Variants in SLCO4A1 observed in about 807,000 individuals in gnomAD.
SLCO4A1 encodes the protein solute carrier organic anion transporter family member 4A1.
A neutral mutation model predicts 64.6 loss-of-function variants in SLCO4A1; 51 were observed. That is an observed-to-expected ratio of 0.79 (90% confidence interval 0.63 to 1.00). The LOEUF (loss-of-function observed/expected upper bound fraction) is 1.00, where lower values mean the gene tolerates loss of function less well. Ranked by LOEUF, SLCO4A1 falls within the 50% of genes least tolerant of loss-of-function variation. The pLI is 0.00. For missense variants in SLCO4A1, 919 were observed against 980.5 expected, an observed-to-expected ratio of 0.94 and a Z score of 0.84; for synonymous variants, 471 against 444.9, an observed-to-expected ratio of 1.06 and a Z score of -0.74.
chr20:62,676,697 G>T (rs964779491), downstream of SLCO4A1, among the ~76,000 whole-genome samples: 6 of 152,194 alleles, frequency 3.9e-5, no homozygotes, highest in Non-Finnish European at 8.8e-5. Context: ...ATGTAAAACG[G>T]TAAAATGGCA....
chr20:62,659,050 G>A (rs1984293915), intron 3 of SLCO4A1, among the ~76,000 whole-genome samples: 1 of 152,238 alleles, frequency 6.6e-6, no homozygotes, highest in Non-Finnish European at 1.5e-5. Context: ...GTTCCCTAAT[G>A]AAACTGAGAT....
chr20:62,668,335 T>C lies in SLCO4A1; in HGVS notation c.1812-142T>C, dbSNP rs1296645177. The stretch of plus-strand genomic sequence containing the variant: ...TGGTGGCAGGAGAGACCTCACTGTC[T>C]CTGATCTCTGACGAGGGGCTTCCCA... On this transcript the variant is annotated intron_variant, in intron 9 of 11. Coordinates refer to ENST00000217159, the MANE Select transcript of SLCO4A1 (RefSeq NM_016354.4). The C allele has an allele frequency of 5.6e-6, 7 of 1,251,412 alleles. No individual in the cohort carries two copies. In the Admixed American group the frequency reaches 8.5e-5, roughly 15 times the overall value. 77.5% of individuals were successfully genotyped at this position (1,251,412 alleles called of 1,614,324 possible).
At chr20:62,686,372 C>T (rs1373451144), downstream of SLCO4A1, among the ~76,000 whole-genome samples, 1 of 152,180 alleles carries the variant, frequency 6.6e-6, no homozygotes, top group African/African-American at 2.4e-5. Context: ...GCTCGCAGTT[C>T]TTCTCATGTC....
intron 5 of SLCO4A1, among the ~76,000 whole-genome samples, chr20:62,662,128 G>T (rs990511315): frequency 6.6e-6 from 1 of 152,188 alleles, no homozygotes; most frequent in Non-Finnish European, 1.5e-5. Context: ...CAGGATAGGA[G>T]GGAAGGCATC....
chr20:62,646,651 C>T (rs1981388667), intron 1 of SLCO4A1, among the ~76,000 whole-genome samples: 1 of 152,226 alleles, frequency 6.6e-6, no homozygotes, highest in African/African-American at 2.4e-5. Flanking sequence ...CATTCTGAGT[C>T]TGTTTCCCAT....
rs565287507 is a variant in SLCO4A1, at chr20:62,655,079, C to T, written c.-96-1280C>T. On this transcript the variant is annotated intron_variant, in intron 1 of 11. Coordinates refer to ENST00000217159, the MANE Select transcript of SLCO4A1 (RefSeq NM_016354.4). ...CCTGAGTTTCAAAAACTGTCATATT[C>T]GGAGGTATTGGGGTCAAGGCTCCAA... Among the ~76,000 whole-genome samples the T allele has an allele frequency of 9.8e-5, 15 of 152,334 alleles. No homozygotes were observed. In the South Asian group the frequency reaches 3.1e-3, roughly 32 times the overall value.
chr20:62,661,469 C>T lies in SLCO4A1; in HGVS notation c.1121+294C>T, dbSNP rs921126438. On this transcript the variant is annotated intron_variant, in intron 5 of 11. Coordinates refer to ENST00000217159, the MANE Select transcript of SLCO4A1 (RefSeq NM_016354.4). The surrounding 1 kb of genome is among the most constrained non-coding windows in gnomAD (Gnocchi z 5.2). ...ACAGTGTGGAGACTCCTGTGGGCTG[C>T]GCCTGGCTCCCAGTGGCCACGGAGC... Among the ~76,000 whole-genome samples, 11 of 152,054 alleles carry T rather than the reference C, an allele frequency of 7.2e-5. No individual in the cohort carries two copies. The highest frequency in any genetic ancestry group is 2.2e-4 in the African/African-American group (9 of 41,390).
At chr20:62,668,388 G>A (rs1426671768) in intron 9 of SLCO4A1, 89 bp from the exon 10 acceptor site, 1 of 1,402,110 alleles carries the variant, frequency 7.1e-7, no homozygotes, top group Non-Finnish European at 1.0e-6. Flanking sequence ...ATGTGGCTGG[G>A]GACTGGTCCA....
rs530127217 is a variant in SLCO4A1, at chr20:62,658,256, A to AGG, written c.797-418_797-417dup. Among the ~76,000 whole-genome samples, 14 of 152,268 alleles carry AGG rather than the reference A, an allele frequency of 9.2e-5. No individual in the cohort carries two copies. In the South Asian group the frequency reaches 2.9e-3, roughly 32 times the overall value. ...GTGTTGAGATCACCTCACTCCAGCG[A>AGG]GGGGACGTCCCACCACACCGAGCCT... On this transcript the variant is annotated intron_variant, in intron 2 of 11. Transcript: ENST00000217159.
chr20:62,647,694 T>G (rs577189317), intron 1 of SLCO4A1, among the ~76,000 whole-genome samples: 19 of 152,344 alleles, frequency 1.2e-4, no homozygotes, highest in African/African-American at 3.8e-4. Flanking sequence ...AGTAAGTGCA[T>G]GGGGCCTAGG....
chr20:62,656,471 T>G lies in SLCO4A1; in HGVS notation c.17T>G (p.Leu6Arg), dbSNP rs1601630297. The change falls in exon 2 of 12, where the codon CTG (leucine) becomes CGG (arginine). Residue 6 changes from leucine to arginine, a missense_variant. Coordinates refer to ENST00000217159, the MANE Select transcript of SLCO4A1 (RefSeq NM_016354.4). Reference protein sequence around the residue: MPLHQLGDKPLTFPSP... With the variant: MPLHQRGDKPLTFPSP... ...GGCGCGGAGATGCCCCTGCATCAGC[T>G]GGGGGACAAGCCGCTCACCTTCCCC... is the stretch of plus-strand genomic sequence containing the variant. 1.3e-6 allele frequency: 2 copies of G among 1,497,926 alleles called. No homozygotes were observed. Among genetic ancestry groups the G allele is most frequent in the Middle Eastern group, 1.8e-4 (1 of 5,710 alleles). 92.8% of individuals were successfully genotyped at this position (1,497,926 alleles called of 1,614,324 possible). A position where few individuals can be genotyped will look rare whatever the true frequency, so the allele number is the denominator to read the frequency against.
At chr20:62,652,035 C>T (rs1601616674) in intron 1 of SLCO4A1, 1 of 144,798 alleles carries the variant, frequency 6.9e-6, no homozygotes, top group Non-Finnish European at 1.5e-5. Flanking sequence ...GCCTCCCCCA[C>T]CCTGCCCCGC....
intron 1 of SLCO4A1, among the ~76,000 whole-genome samples, chr20:62,654,727 G>A (rs941213909): frequency 2.0e-5 from 3 of 152,182 alleles, no homozygotes; most frequent in Non-Finnish European, 4.4e-5. Flanking sequence ...CGGGGTCCCT[G>A]TTGAATGTGA....
In SLCO4A1 at chr20:62,671,731, C is replaced by T. The variant is rs371021038; in HGVS notation, c.2026-19C>T. ...TGGCCGAGCTCCCCACGAGGTCCAG[C>T]GGGCTCCTCTCTCCCCAGGTGCTGG... On this transcript the variant is annotated intron_variant, in intron 11 of 11. Transcript: ENST00000217159. 504 of 1,608,454 alleles carry T rather than the reference C, an allele frequency of 3.1e-4. 1 individual carries two copies. Among genetic ancestry groups the T allele is most frequent in the East Asian group, 5.8e-4 (26 of 44,784 alleles).
chr20:62,660,835 C>G (rs1406934468), intron 4 of SLCO4A1, among the ~76,000 whole-genome samples: 1 of 152,238 alleles, frequency 6.6e-6, no homozygotes, highest in Non-Finnish European at 1.5e-5. Context: ...TCCCCCAGCC[C>G]CACTTTGGGC....
intron 2 of SLCO4A1, among the ~76,000 whole-genome samples, chr20:62,683,107 A>G (rs1410524259): frequency 6.6e-6 from 1 of 152,248 alleles, no homozygotes; most frequent in African/African-American, 2.4e-5. Flanking sequence ...ATTTGCACTT[A>G]GATTGATTTT....
In SLCO4A1 at chr20:62,656,544, C is replaced by G; in HGVS notation, c.90C>G (p.Ser30Arg). 1.3e-6 allele frequency: 2 copies of G among 1,580,430 alleles called. No homozygotes were observed. The highest frequency in any genetic ancestry group is 1.7e-6 in the Non-Finnish European group (2 of 1,168,584). Reference protein sequence around the residue: ...MENGLDHTPPSRRASPGTPLS... With the variant: ...MENGLDHTPPRRRASPGTPLS... The stretch of plus-strand genomic sequence containing the variant: ...ACGGGCTTGACCACACCCCACCCAG[C>G]AGGAGGGCATCCCCGGGCACACCCC... Residue 30 changes from serine (S) to arginine (R), a missense_variant, in exon 2 of 12, where the codon AGC (serine) becomes AGG (arginine). By Grantham distance (110) the Ser-to-Arg change is moderately radical. Coordinates refer to ENST00000217159, the MANE Select transcript of SLCO4A1 (RefSeq NM_016354.4).
chr20:62,662,578 A>G (rs1291050976), intron 5 of SLCO4A1, among the ~76,000 whole-genome samples: 1 of 152,238 alleles, frequency 6.6e-6, no homozygotes, highest in Non-Finnish European at 1.5e-5. Context: ...TTCTCTGGGC[A>G]AATTCAACAC....
chr20:62,658,198 A>G (rs1037130899), intron 2 of SLCO4A1, among the ~76,000 whole-genome samples: 2 of 152,008 alleles, frequency 1.3e-5, no homozygotes, highest in African/African-American at 4.8e-5. Flanking sequence ...CATCCCAGTC[A>G]CCTGGCAGTG....
Sources: allele counts gnomAD v4.1 joint callset (sites outside exome capture counted in the v4.1 genomes callset), GRCh38; gene constraint gnomAD v4.1.1; non-coding constraint Gnocchi (gnomAD v3.1); transcripts MANE v1.5; gene names NCBI Gene and HGNC (gene_info 2026-07-23, HGNC 2026-07-21).